Variants in CUL5 observed in about 807,000 individuals in gnomAD.
The protein encoded by CUL5 is cullin-5.
In CUL5, 26 loss-of-function variants were observed where a neutral mutation model predicts 108.8. The observed-to-expected ratio is 0.24, with a 90% confidence interval of 0.18 to 0.33. The LOEUF (loss-of-function observed/expected upper bound fraction) is 0.33. Ranked by LOEUF, CUL5 falls within the 10% of genes least tolerant of loss-of-function variation. The probability of loss-of-function intolerance (pLI) is 1.00; values close to 1 mark genes in which losing one functional copy is unlikely to be tolerated. For synonymous variants in CUL5, 334 were observed against 298.0 expected (o/e 1.12, Z -1.25); for missense variants, 524 against 909.2 (o/e 0.58, Z 5.45).
chr11:108,016,232 TTTCTCTTCTC>T (rs149084814), intron 1 of CUL5, among the ~76,000 whole-genome samples: 7 of 151,452 alleles, frequency 4.6e-5, no homozygotes, highest in African/African-American at 1.7e-4. Flanking sequence ...AGGTTTTTCT[TTTCTCTTCTC>T]TTCTCTTCTC....
In CUL5 at chr11:108,106,903, C is replaced by A. The variant is rs1412126139; in HGVS notation, c.*2519C>A. On this transcript the variant is annotated 3_prime_UTR_variant, in exon 19 of 19. Coordinates refer to ENST00000393094, the MANE Select transcript of CUL5 (RefSeq NM_003478.6). The stretch of plus-strand genomic sequence containing the variant: ...GGCAATAAGACACTTCAGAGGCTAT[C>A]TTAACCTCTGAATACCCATCTTCTA... The A allele has an allele frequency of 6.7e-6, 1 of 150,284 alleles. No individual in the cohort carries two copies. The highest frequency in any genetic ancestry group is 2.4e-5 in the African/African-American group (1 of 40,824). 9.3% of individuals were successfully genotyped at this position (150,284 alleles called of 1,614,324 possible). A position where few individuals can be genotyped will look rare whatever the true frequency, so the allele number is the denominator to read the frequency against.
chr11:108,093,908 G>T (rs1047463640), intron 13 of CUL5, among the ~76,000 whole-genome samples: 1 of 152,096 alleles, frequency 6.6e-6, no homozygotes, highest in African/African-American at 2.4e-5. Context: ...TCACTGTGTT[G>T]CCCAGGCTGG....
chr11:108,076,071 C>T (rs943294312), intron 10 of CUL5, among the ~76,000 whole-genome samples: 2 of 152,078 alleles, frequency 1.3e-5, no homozygotes, highest in Non-Finnish European at 2.9e-5. Flanking sequence ...CTCTGTCACC[C>T]AGGCTGGAGA....
chr11:108,029,547 T>A (rs1359653718), intron 1 of CUL5, among the ~76,000 whole-genome samples: 1 of 152,216 alleles, frequency 6.6e-6, no homozygotes, highest in Admixed American at 6.5e-5. Context: ...CTTTTTCTTA[T>A]TAATAAGGCA....
At chr11:108,069,124 G>A (rs1863761156) in intron 7 of CUL5, among the ~76,000 whole-genome samples, 1 of 152,082 alleles carries the variant, frequency 6.6e-6, no homozygotes, top group Admixed American at 6.6e-5. Flanking sequence ...AGACTTGATA[G>A]TACATCCCTG....
At chr11:108,098,998 C>T (rs1864571834) in intron 18 of CUL5, among the ~76,000 whole-genome samples, 1 of 129,276 alleles carries the variant, frequency 7.7e-6, no homozygotes, top group Admixed American at 1.0e-4. Flanking sequence ...AACTTCTGGC[C>T]AGTGTACTTT....
chr11:108,018,976 G>GA (rs1237017348), intron 1 of CUL5, among the ~76,000 whole-genome samples: 1 of 151,952 alleles, frequency 6.6e-6, no homozygotes, highest in Non-Finnish European at 1.5e-5. Flanking sequence ...AAAAACCTCA[G>GA]AAAAAAATTG....
intron 4 of CUL5, 62 bp downstream of exon 4, chr11:108,050,128 T>G: frequency 1.4e-6 from 2 of 1,419,382 alleles, no homozygotes; most frequent in Non-Finnish European, 1.9e-6. Context: ...TTTGGAAGCA[T>G]TTGAAAGTAA....
At chr11:108,083,213 A>G (rs994474692) in intron 11 of CUL5, among the ~76,000 whole-genome samples, 1 of 151,990 alleles carries the variant, frequency 6.6e-6, no homozygotes, top group Non-Finnish European at 1.5e-5. Flanking sequence ...TTTTGCCATT[A>G]TATTGTTTTA....
chr11:108,091,695 T>TCTCTCACACA (rs1555024093), intron 13 of CUL5, among the ~76,000 whole-genome samples: 1 of 138,098 alleles, frequency 7.2e-6, no homozygotes, highest in African/African-American at 2.8e-5. Flanking sequence ...TCTCTCTCAC[T>TCTCTCACACA]CACACACACA....
intron 11 of CUL5, among the ~76,000 whole-genome samples, chr11:108,087,149 A>C (rs1055110265): frequency 2.6e-5 from 4 of 152,124 alleles, no homozygotes; most frequent in Admixed American, 6.6e-5. Context: ...TCATCTACTT[A>C]TTTATGTGAA....
intron 1 of CUL5, 40 bp from the exon 2 acceptor site, chr11:108,033,762 C>T (rs752098555): frequency 1.6e-6 from 2 of 1,234,094 alleles, no homozygotes; most frequent in South Asian, 1.3e-5. Context: ...TATTTAACTG[C>T]ATTTAAATTA....
intron 10 of CUL5, among the ~76,000 whole-genome samples, chr11:108,076,991 TGA>T: frequency 6.6e-6 from 1 of 152,260 alleles, no homozygotes; most frequent in Non-Finnish European, 1.5e-5. Context: ...ATGGTAATGT[TGA>T]GTCTGGAGCT....
At chr11:108,100,503 C>G (rs1037993665) in intron 18 of CUL5, among the ~76,000 whole-genome samples, 1 of 152,124 alleles carries the variant, frequency 6.6e-6, no homozygotes, top group African/African-American at 2.4e-5. Context: ...TAGATTGCGC[C>G]ACTGCACTCC....
intron 8 of CUL5, among the ~76,000 whole-genome samples, chr11:108,071,909 G>A (rs1041386246): frequency 2.6e-5 from 4 of 151,954 alleles, no homozygotes; most frequent in Non-Finnish European, 4.4e-5. Flanking sequence ...AAGTACAGTG[G>A]CTCATACCTA....
In CUL5 at chr11:108,098,393, A is replaced by G; in HGVS notation, c.2025-13A>G. On this transcript the variant is annotated splice_polypyrimidine_tract_variant and intron_variant, in intron 17 of 18. Transcript: ENST00000393094. ...TTTTCACCATAAAATACTTGATGCA[A>G]TTCTTTTTGTAGAAAAAATGCAAAG... 1.3e-6 allele frequency: 2 copies of G among 1,596,568 alleles called. No individual in the cohort carries two copies. The highest frequency in any genetic ancestry group is 1.7e-6 in the Non-Finnish European group (2 of 1,173,788).
In CUL5 at chr11:108,055,926, C is replaced by T. The variant is rs150208090; in HGVS notation, c.780+971C>T. On this transcript the variant is annotated intron_variant, in intron 7 of 18. Coordinates refer to ENST00000393094, the MANE Select transcript of CUL5 (RefSeq NM_003478.6). Reference sequence around the variant, plus strand: ...GATTACAGGCGTGAGCCACTGCACCCGGCCACCTGGCTAATTTTTTTATTT... The same window carrying T: ...GATTACAGGCGTGAGCCACTGCACCTGGCCACCTGGCTAATTTTTTTATTT... Among the ~76,000 whole-genome samples the T allele has an allele frequency of 7.0e-3, 1,073 of 152,234 alleles. 14 individuals carry two copies. Among genetic ancestry groups the T allele is most frequent in the African/African-American group, 0.024 (987 of 41,560 alleles).
At chr11:108,068,536 A>G (rs745998886) in intron 7 of CUL5, among the ~76,000 whole-genome samples, 4 of 152,104 alleles carry the variant, frequency 2.6e-5, no homozygotes, top group Non-Finnish European at 4.4e-5. Context: ...CCATTACCTA[A>G]ATTCAGCTTT....
At chr11:108,045,127 T>C (rs932806717) in intron 2 of CUL5, among the ~76,000 whole-genome samples, 3 of 152,210 alleles carry the variant, frequency 2.0e-5, no homozygotes, top group African/African-American at 7.2e-5. Context: ...TATATTTCTA[T>C]AATGAAGAAC....
Sources: gnomAD v4.1 joint callset for allele counts (sites outside exome capture counted in the v4.1 genomes callset) on GRCh38, gnomAD v4.1.1 for gene constraint, MANE v1.5 for transcripts, NCBI Gene and HGNC (gene_info 2026-07-23, HGNC 2026-07-21) for gene names.